The following DENND2B variants were observed in gnomAD, a reference collection of about 807,000 sequenced individuals.
The protein encoded by DENND2B is DENN domain-containing protein 2B.
In DENND2B, 32 loss-of-function variants were observed where a neutral mutation model predicts 116.0. That is an observed-to-expected ratio of 0.28 (90% CI 0.21 to 0.37). The LOEUF is 0.37. Ranked by LOEUF, DENND2B falls within the 10% of genes least tolerant of loss-of-function variation. The pLI, the probability that DENND2B is intolerant of heterozygous loss-of-function variation, is 1.00. For synonymous variants in DENND2B, 588 were observed against 583.9 expected (o/e 1.01, Z -0.10); for missense variants, 1,276 against 1,477.7 (o/e 0.86, Z 2.24).
At chr11:8,752,596 G>A (rs142176732) in intron 1 of DENND2B, among the ~76,000 whole-genome samples, 2 of 152,212 alleles carry the variant, frequency 1.3e-5, no homozygotes, top group East Asian at 3.9e-4. Flanking sequence ...AGAGCTAGAA[G>A]TGCTCATCAT....
intron 1 of DENND2B, among the ~76,000 whole-genome samples, chr11:8,797,577 G>A (rs1565970516): frequency 7.3e-6 from 1 of 137,398 alleles, no homozygotes; most frequent in African/African-American, 2.8e-5. Context: ...ACAGAGTCTT[G>A]CTCTGTCTCT....
At chr11:8,748,566 A>G (rs16905637) in intron 2 of DENND2B, among the ~76,000 whole-genome samples, 8,654 of 151,904 alleles carry the variant, frequency 0.057, 508 homozygotes, top group African/African-American at 0.15. Flanking sequence ...GAAGGGTGTC[A>G]CTAGCCACAG....
intron 3 of DENND2B, among the ~76,000 whole-genome samples, chr11:8,854,609 C>T (rs1291039614): frequency 6.6e-6 from 1 of 152,244 alleles, no homozygotes; most frequent in Non-Finnish European, 1.5e-5. Flanking sequence ...GGTATGATGG[C>T]TCATGCCTGT....
At chr11:8,785,448 G>C (rs1277842717) in intron 1 of DENND2B, 1 of 152,186 alleles carries the variant, frequency 6.6e-6, no homozygotes, top group Non-Finnish European at 1.5e-5. Flanking sequence ...ACAGACCAAG[G>C]AGCACTTCAT....
At chr11:8,869,572 G>A (rs796118377) in intron 2 of DENND2B, among the ~76,000 whole-genome samples, 2 of 151,964 alleles carry the variant, frequency 1.3e-5, no homozygotes, top group African/African-American at 4.8e-5. Flanking sequence ...TGAGGCAGGA[G>A]AATTGCTTGA....
At chr11:8,698,014 C>A (rs1333180274) in intron 16 of DENND2B, 3 of 401,706 alleles carry the variant, frequency 7.5e-6, no homozygotes, top group African/African-American at 6.2e-5. Context: ...TGGCATGCAC[C>A]TGTACTCCCA....
chr11:8,736,861 G>A (rs1173980913), intron 2 of DENND2B, among the ~76,000 whole-genome samples: 1 of 152,226 alleles, frequency 6.6e-6, no homozygotes, highest in African/African-American at 2.4e-5. Context: ...CTCAAGAGAA[G>A]GAAGCTCTTG....
At chr11:8,884,301 C>A (rs893880672) in intron 1 of DENND2B, among the ~76,000 whole-genome samples, 1 of 150,052 alleles carries the variant, frequency 6.7e-6, no homozygotes, top group African/African-American at 2.4e-5. Flanking sequence ...AAAAAATCCT[C>A]TTCGGACTTC....
At chr11:8,762,676 C>A (rs970768612) in intron 1 of DENND2B, among the ~76,000 whole-genome samples, 1 of 152,166 alleles carries the variant, frequency 6.6e-6, no homozygotes, top group Non-Finnish European at 1.5e-5. Context: ...GCCTGACCAA[C>A]ATGGAGAAAT....
At chr11:8,769,825 G>C (rs944467910) in intron 1 of DENND2B, among the ~76,000 whole-genome samples, 1 of 152,060 alleles carries the variant, frequency 6.6e-6, no homozygotes, top group African/African-American at 2.4e-5. Context: ...ATATACATTT[G>C]GCCCCAATAA....
chr11:8,862,657 G>C (rs1490421198), intron 2 of DENND2B, among the ~76,000 whole-genome samples: 1 of 152,076 alleles, frequency 6.6e-6, no homozygotes, highest in East Asian at 1.9e-4. Flanking sequence ...TATTTATTCA[G>C]TTTCCACAGA....
chr11:8,812,588 T>C (rs1284930717), upstream of DENND2B, among the ~76,000 whole-genome samples: 1 of 152,146 alleles, frequency 6.6e-6, no homozygotes, highest in Non-Finnish European at 1.5e-5. Flanking sequence ...TCAAGTCTCT[T>C]GAGTACATTA....
chr11:8,796,377 A>C (rs997051878), intron 1 of DENND2B, among the ~76,000 whole-genome samples: 2 of 152,178 alleles, frequency 1.3e-5, no homozygotes, highest in Non-Finnish European at 2.9e-5. Flanking sequence ...CCCTCTCTAC[A>C]AAAATACAAA....
At chr11:8,906,542 T>G (rs2064241647) in intron 1 of DENND2B, among the ~76,000 whole-genome samples, 1 of 151,318 alleles carries the variant, frequency 6.6e-6, no homozygotes, top group Non-Finnish European at 1.5e-5. Context: ...TACATAAATT[T>G]CAACTGTTTA....
intron 2 of DENND2B, among the ~76,000 whole-genome samples, chr11:8,743,019 G>A (rs886733726): frequency 6.6e-6 from 1 of 151,556 alleles, no homozygotes; most frequent in Non-Finnish European, 1.5e-5. Context: ...AGATGAGATC[G>A]CGCCATTGCG....
intron 4 of DENND2B, among the ~76,000 whole-genome samples, chr11:8,818,673 T>G (rs577194873): frequency 6.6e-6 from 1 of 152,166 alleles, no homozygotes; most frequent in South Asian, 2.1e-4. Flanking sequence ...GCACCAAAGC[T>G]CATTCAGCTT....
At chr11:8,861,552 G>C (rs1250130758) in intron 2 of DENND2B, among the ~76,000 whole-genome samples, 2 of 152,120 alleles carry the variant, frequency 1.3e-5, no homozygotes, top group Admixed American at 6.6e-5. Flanking sequence ...ACATGGATGT[G>C]GTGAAAAGCA....
At chr11:8,852,493 T>C (rs1170219285) in intron 3 of DENND2B, among the ~76,000 whole-genome samples, 1 of 151,670 alleles carries the variant, frequency 6.6e-6, no homozygotes, top group Non-Finnish European at 1.5e-5. Flanking sequence ...AACAAGTAAA[T>C]AAGAGAAAAG....
At chr11:8,799,909 C>A (rs1481287017) in intron 1 of DENND2B, among the ~76,000 whole-genome samples, 1 of 149,596 alleles carries the variant, frequency 6.7e-6, no homozygotes, top group Non-Finnish European at 1.5e-5. Flanking sequence ...CCTCAGTCTT[C>A]ACCATGTATT....
Sources: gnomAD v4.1 joint callset for allele counts (sites outside exome capture counted in the v4.1 genomes callset) on GRCh38, gnomAD v4.1.1 for gene constraint, MANE v1.5 for transcripts, NCBI Gene and HGNC (gene_info 2026-07-23, HGNC 2026-07-21) for gene names.